MRPL43: variants seen among roughly 807,000 people sequenced by gnomAD.
MRPL43 encodes the protein mitochondrial ribosomal protein L43.
Under a neutral mutation model 12.7 loss-of-function variants are expected in MRPL43, and 9 were observed. The observed-to-expected ratio is 0.71, with a 90% confidence interval of 0.43 to 1.24. MRPL43 has a LOEUF of 1.24. Ranked by LOEUF, MRPL43 falls within the 50% of genes most tolerant of loss-of-function variation. The probability of loss-of-function intolerance (pLI) is 0.00; values close to 1 mark genes in which losing one functional copy is unlikely to be tolerated. For missense variants in MRPL43, 211 were observed against 229.2 expected (o/e 0.92, Z 0.51); for synonymous variants, 116 against 96.4 (o/e 1.20, Z -1.19).
downstream of MRPL43, chr10:100,979,717 C>T (rs1238728675): frequency 2.9e-6 from 3 of 1,035,970 alleles, no homozygotes; most frequent in East Asian, 7.1e-5. Flanking sequence ...GGTCCACTGA[C>T]TCACAGGAGA....
At position 100,987,486 on chromosome 10, in the gene MRPL43, G is replaced by T. The variant is rs571481681; in HGVS notation, c.-43C>A. 6 of 1,603,210 alleles carry T rather than the reference G, an allele frequency of 3.7e-6. No individual in the cohort carries two copies. In the East Asian group the frequency reaches 6.7e-5, roughly 18 times the overall value. On this transcript the variant is annotated 5_prime_UTR_variant, in exon 1 of 3. Transcript: ENST00000318364. ...CGCGGAGCCTAAGCAGCGAGGAGAGGGGGGCGGGACTAAACCTCGAGGCTT... is the reference window on the plus strand; with the variant it reads ...CGCGGAGCCTAAGCAGCGAGGAGAGTGGGGCGGGACTAAACCTCGAGGCTT...
chr10:100,985,160 T>C, downstream of MRPL43: 1 of 399,734 alleles, frequency 2.5e-6, no homozygotes, highest in Non-Finnish European at 4.5e-6. Context: ...TTGCTTCCTC[T>C]AGACTACAGC....
downstream of MRPL43, chr10:100,984,293 A>T (rs982791219): frequency 1.4e-6 from 2 of 1,439,208 alleles, no homozygotes; most frequent in Middle Eastern, 2.4e-4. Flanking sequence ...GCCCAGCCAA[A>T]GCCCCCTCCT....
At chr10:100,978,389 G>A (rs1412300037), downstream of MRPL43, 3 of 1,612,400 alleles carry the variant, frequency 1.9e-6, no homozygotes, top group South Asian at 3.3e-5. Flanking sequence ...CTCATCATTG[G>A]TGAGCAGGCC....
At chr10:100,980,512 C>T, downstream of MRPL43, 1 of 1,452,370 alleles carries the variant, frequency 6.9e-7, no homozygotes, top group Non-Finnish European at 9.7e-7. Flanking sequence ...TCGTATTAGG[C>T]CTCTTGCAGG....
downstream of MRPL43, chr10:100,984,866 C>T (rs1471688492): frequency 2.0e-5 from 30 of 1,489,474 alleles, no homozygotes; most frequent in Non-Finnish European, 2.4e-5. Context: ...AGCCTCCCCA[C>T]TCTCCTTGGT....
At chr10:100,977,943 A>C (rs914679081), downstream of MRPL43, 3 of 583,856 alleles carry the variant, frequency 5.1e-6, no homozygotes, top group Non-Finnish European at 6.1e-6. Context: ...TTCACTTAGC[A>C]TCCTCCCCCT....
chr10:100,982,794 AAAAAC>A (rs1397756903), downstream of MRPL43, among the ~76,000 whole-genome samples: 2 of 152,230 alleles, frequency 1.3e-5, no homozygotes, highest in Admixed American at 6.5e-5. Context: ...TCCGTCTCAA[AAAAAC>A]AAAACAAAAC....
chr10:100,984,845 C>T, downstream of MRPL43: 1 of 1,504,400 alleles, frequency 6.6e-7, no homozygotes, highest in Non-Finnish European at 8.9e-7. Flanking sequence ...CCTGTGTGGC[C>T]CTTGTGAATC....
At chr10:100,982,112 G>C (rs1851114847), downstream of MRPL43, among the ~76,000 whole-genome samples, 1 of 151,030 alleles carries the variant, frequency 6.6e-6, no homozygotes, top group African/African-American at 2.4e-5. Context: ...ACCCCAAGCA[G>C]TCTGATTTGA....
At chr10:100,981,488 G>T (rs776167522), downstream of MRPL43, 1 of 1,614,192 alleles carries the variant, frequency 6.2e-7, no homozygotes, top group Non-Finnish European at 8.5e-7. Context: ...GGATGACAAG[G>T]GTTCAGGACG....
At chr10:100,978,470 G>A (rs144756086), downstream of MRPL43, 258 of 1,597,380 alleles carry the variant, frequency 1.6e-4, 3 homozygotes, top group East Asian at 5.7e-3. Context: ...CCATGTATAT[G>A]TCATGTGCCC....
chr10:100,984,436 G>T, downstream of MRPL43: 1 of 1,495,340 alleles, frequency 6.7e-7, no homozygotes, highest in South Asian at 1.3e-5. Flanking sequence ...TTATAGGTGA[G>T]GACTCCATCC....
At chr10:100,987,248 C>G (rs1851561057) in intron 1 of MRPL43, 52 bp from the exon 2 acceptor site, 2 of 1,612,518 alleles carry the variant, frequency 1.2e-6, no homozygotes, top group African/African-American at 1.3e-5. Context: ...GGGCGACCTA[C>G]CCGGGGAGTC....
chr10:100,980,195 T>A, downstream of MRPL43: 2 of 1,614,234 alleles, frequency 1.2e-6, no homozygotes, highest in South Asian at 2.2e-5. Context: ...CTGGACTTTG[T>A]AAAGTTGCAC....
chr10:100,987,260 T>C, intron 1 of MRPL43, 53 bp downstream of exon 1: 1 of 1,612,188 alleles, frequency 6.2e-7, no homozygotes, highest in Non-Finnish European at 8.5e-7. Context: ...CGGGGAGTCG[T>C]TGCCACCTCC....
chr10:100,980,617 G>C (rs770024953), downstream of MRPL43: 2 of 1,614,168 alleles, frequency 1.2e-6, no homozygotes. Context: ...CTGGGCTCTG[G>C]GATGCACATT....
At chr10:100,984,296 C>T (rs1410299026), downstream of MRPL43, 1 of 1,439,218 alleles carries the variant, frequency 6.9e-7, no homozygotes, top group African/African-American at 1.4e-5. Flanking sequence ...CAGCCAAAGC[C>T]CCCTCCTCAG....
downstream of MRPL43, chr10:100,979,433 A>C: frequency 2.0e-6 from 3 of 1,537,788 alleles, no homozygotes; most frequent in Admixed American, 3.9e-5. Context: ...GCCAGGCTGG[A>C]GTGCAGTGGC....
Sources: gnomAD v4.1 joint callset for allele counts (sites outside exome capture counted in the v4.1 genomes callset) on GRCh38, gnomAD v4.1.1 for gene constraint, MANE v1.5 for transcripts, NCBI Gene and HGNC (gene_info 2026-07-23, HGNC 2026-07-21) for gene names.